CDC42BPA: variants seen among roughly 807,000 people sequenced by gnomAD.
The protein encoded by CDC42BPA is CDC42 binding protein kinase alpha, also known as serine/threonine-protein kinase MRCK alpha.
Under a neutral mutation model 223.5 loss-of-function variants are expected in CDC42BPA, and 80 were observed. That is an observed-to-expected ratio of 0.36 (90% CI 0.30 to 0.43). CDC42BPA has a LOEUF of 0.43. CDC42BPA is among the 20% of genes least tolerant of loss of function. CDC42BPA has a pLI of 1.00. For missense variants in CDC42BPA, 1,743 were observed against 2,099.9 expected (o/e 0.83, Z 3.32); for synonymous variants, 694 against 718.6 (o/e 0.97, Z 0.55).
chr1:227,245,416 G>A (rs866364520), intron 2 of CDC42BPA, among the ~76,000 whole-genome samples: 3 of 149,842 alleles, frequency 2.0e-5, no homozygotes, highest in Non-Finnish European at 3.0e-5. Context: ...TCAGCCTCCC[G>A]AGTAGCTGGG....
At chr1:227,220,309 TATACAC>T (rs1206447826) in intron 2 of CDC42BPA, among the ~76,000 whole-genome samples, 11 of 75,390 alleles carry the variant, frequency 1.5e-4, no homozygotes, top group South Asian at 3.9e-4. Context: ...TATATATATA[TATACAC>T]ACACACACAC....
intron 16 of CDC42BPA, among the ~76,000 whole-genome samples, chr1:227,089,951 T>G (rs1225413207): frequency 6.6e-6 from 1 of 152,182 alleles, no homozygotes; most frequent in Non-Finnish European, 1.5e-5. Flanking sequence ...ATCTTAAAAT[T>G]CTGTCTTATA....
At chr1:227,030,512 A>C (rs1456711060) in intron 28 of CDC42BPA, 42 bp from the exon 29 acceptor site, 1 of 1,251,978 alleles carries the variant, frequency 8.0e-7, no homozygotes, top group Admixed American at 2.3e-5. Context: ...TTAGGAAAAA[A>C]ACCATGTAAT....
intron 6 of CDC42BPA, among the ~76,000 whole-genome samples, chr1:227,150,001 T>A (rs10916096): frequency 0.92 from 140,398 of 151,830 alleles, 65,088 homozygotes; most frequent in South Asian, 0.98. Flanking sequence ...AGGCGGGTGT[T>A]TCACTTGAGC....
At chr1:227,036,055 G>C (rs1415888358) in intron 24 of CDC42BPA, among the ~76,000 whole-genome samples, 1 of 152,138 alleles carries the variant, frequency 6.6e-6, no homozygotes, top group East Asian at 1.9e-4. Context: ...CTTGAAAATG[G>C]AGTTTTTCAA....
At chr1:227,275,616 C>T (rs1686821051) in intron 1 of CDC42BPA, among the ~76,000 whole-genome samples, 2 of 149,726 alleles carry the variant, frequency 1.3e-5, no homozygotes, top group Non-Finnish European at 1.5e-5. Flanking sequence ...CCCCTCCCCA[C>T]GGTCTCCCAC....
intron 5 of CDC42BPA, among the ~76,000 whole-genome samples, chr1:227,171,254 C>A (rs763849208): frequency 7.2e-5 from 11 of 152,118 alleles, no homozygotes; most frequent in Non-Finnish European, 1.5e-4. Flanking sequence ...TTCCTTGTCC[C>A]TAAACAAAAG....
intron 6 of CDC42BPA, among the ~76,000 whole-genome samples, chr1:227,151,850 A>T (rs1482425440): frequency 3.0e-5 from 4 of 133,932 alleles, no homozygotes; most frequent in Non-Finnish European, 6.1e-5. Context: ...TTTGAGACCA[A>T]CCTGGCCAAG....
intron 10 of CDC42BPA, among the ~76,000 whole-genome samples, chr1:227,136,116 G>A (rs1658520382): frequency 6.6e-6 from 1 of 151,674 alleles, no homozygotes; most frequent in African/African-American, 2.4e-5. Context: ...TAACAGATAA[G>A]GACCTCAAAA....
At chr1:227,003,399 C>T (rs1335622214) in intron 35 of CDC42BPA, among the ~76,000 whole-genome samples, 1 of 152,150 alleles carries the variant, frequency 6.6e-6, no homozygotes, top group African/African-American at 2.4e-5. Context: ...GTACCATGCT[C>T]CCGGGAAAGC....
At chr1:227,298,935 T>C (rs1036918287) in intron 1 of CDC42BPA, among the ~76,000 whole-genome samples, 3 of 152,202 alleles carry the variant, frequency 2.0e-5, no homozygotes, top group Non-Finnish European at 4.4e-5. Flanking sequence ...TAGAATCATA[T>C]ATAGCTCTTT....
chr1:227,031,476 A>G lies in CDC42BPA; in HGVS notation c.3597T>C (p.Cys1199=). The change falls in exon 28 of 37, where the codon TGT becomes TGC. Residue 1199 remains cysteine (C), a synonymous_variant. Coordinates refer to ENST00000366766, the MANE Select transcript of CDC42BPA (RefSeq NM_001394014.1). ...CAGTGTCTGCTAGCATCAGGATTGAACATTTGTTATTAGATGCTGAGAGCT... is the reference window on the plus strand; with the variant it reads ...CAGTGTCTGCTAGCATCAGGATTGAGCATTTGTTATTAGATGCTGAGAGCT... ...ASQLSASNNK[C]SILMLADTEN... The G allele has an allele frequency of 1.2e-6, 2 of 1,614,124 alleles. No individual in the cohort carries two copies. Among genetic ancestry groups the G allele is most frequent in the South Asian group, 1.1e-5 (1 of 91,076 alleles).
At chr1:227,222,052 CAAAAAAAA>C (rs60588018) in intron 2 of CDC42BPA, among the ~76,000 whole-genome samples, 51 of 86,506 alleles carry the variant, frequency 5.9e-4, no homozygotes, top group Admixed American at 2.4e-3. Flanking sequence ...CTATCTCTAC[CAAAAAAAA>C]AAAAAAAAAA....
chr1:227,219,716 C>A (rs766742645), intron 2 of CDC42BPA, among the ~76,000 whole-genome samples: 3 of 152,056 alleles, frequency 2.0e-5, no homozygotes, highest in Non-Finnish European at 4.4e-5. Flanking sequence ...GACAAAACAT[C>A]TTGGAGGAAA....
intron 6 of CDC42BPA, among the ~76,000 whole-genome samples, chr1:227,148,859 AG>A (rs1436357107): frequency 6.6e-6 from 1 of 151,142 alleles, no homozygotes; most frequent in Non-Finnish European, 1.5e-5. Flanking sequence ...TTACAAAGAG[AG>A]ATTCTTAGAG....
chr1:227,082,280 C>G (rs887607411), intron 16 of CDC42BPA, among the ~76,000 whole-genome samples: 2 of 151,938 alleles, frequency 1.3e-5, no homozygotes, highest in Non-Finnish European at 2.9e-5. Flanking sequence ...TTCCTGGGCT[C>G]AAGCCATCTG....
At chr1:227,051,445 A>C (rs1025716033) in intron 22 of CDC42BPA, among the ~76,000 whole-genome samples, 22 of 152,212 alleles carry the variant, frequency 1.4e-4, no homozygotes, top group Non-Finnish European at 1.0e-4. Context: ...TAGCAGTTAG[A>C]ATGAACTATT....
At chr1:227,243,616 TA>T (rs1680378390) in intron 2 of CDC42BPA, among the ~76,000 whole-genome samples, 1 of 152,254 alleles carries the variant, frequency 6.6e-6, no homozygotes, top group Admixed American at 6.5e-5. Context: ...ACCTTGAGGT[TA>T]GAAAAAAACT....
chr1:227,263,774 G>A (rs1248881835), intron 1 of CDC42BPA, among the ~76,000 whole-genome samples: 1 of 151,892 alleles, frequency 6.6e-6, no homozygotes, highest in Non-Finnish European at 1.5e-5. Flanking sequence ...TAGAGACGGG[G>A]TTTCACCATG....
Sources: allele counts gnomAD v4.1 joint callset (sites outside exome capture counted in the v4.1 genomes callset), GRCh38; gene constraint gnomAD v4.1.1; transcripts MANE v1.5; gene names NCBI Gene and HGNC (gene_info 2026-07-23, HGNC 2026-07-21).